CA10: variants seen among roughly 807,000 people sequenced by gnomAD.
The protein encoded by CA10 is carbonic anhydrase 10 (inactive).
In CA10, 14 loss-of-function variants were observed where a neutral mutation model predicts 44.2. The observed-to-expected ratio is 0.32, with a 90% CI of 0.21 to 0.50. The LOEUF is 0.50. Ranked by LOEUF, CA10 falls within the 20% of genes least tolerant of loss-of-function variation. The pLI is 0.99. For missense variants in CA10, 350 were observed against 409.7 expected (o/e 0.85, Z 1.26); for synonymous variants, 159 against 141.6 (o/e 1.12, Z -0.87).
chr17:52,096,351 T>C (rs1000917037), intron 1 of CA10, among the ~76,000 whole-genome samples: 1 of 152,072 alleles, frequency 6.6e-6, no homozygotes, highest in African/African-American at 2.4e-5. Context: ...CCTGTGAGAG[T>C]GTCTTAAAAG....
intron 2 of CA10, among the ~76,000 whole-genome samples, chr17:52,038,348 T>C (rs1168584932): frequency 1.3e-5 from 2 of 152,178 alleles, no homozygotes; most frequent in Non-Finnish European, 2.9e-5. Context: ...ATCGTTCCCA[T>C]TTCAAGAATG....
intron 2 of CA10, among the ~76,000 whole-genome samples, chr17:51,935,691 A>G (rs1484568063): frequency 6.6e-6 from 1 of 152,140 alleles, no homozygotes; most frequent in Non-Finnish European, 1.5e-5. Context: ...GTTTTGAAAG[A>G]TGCTCAGTGA....
chr17:51,911,557 G>C (rs567521793), intron 3 of CA10, among the ~76,000 whole-genome samples: 1 of 152,232 alleles, frequency 6.6e-6, no homozygotes, highest in East Asian at 1.9e-4. Context: ...ACACTGAGTT[G>C]AGACTGCTGG....
At chr17:52,065,175 A>G (rs1391434035) in intron 2 of CA10, among the ~76,000 whole-genome samples, 2 of 152,194 alleles carry the variant, frequency 1.3e-5, no homozygotes, top group Admixed American at 6.5e-5. Flanking sequence ...ATGACTCTGC[A>G]CTAGCAACGT....
intron 2 of CA10, chr17:52,070,417 T>C (rs906306902): frequency 6.6e-6 from 1 of 152,164 alleles, no homozygotes; most frequent in Non-Finnish European, 1.5e-5. Context: ...ACCTCCATTA[T>C]GCAATTTAAT....
intron 2 of CA10, among the ~76,000 whole-genome samples, chr17:51,984,274 A>C (rs900581023): frequency 6.6e-6 from 1 of 151,890 alleles, no homozygotes; most frequent in African/African-American, 2.4e-5. Flanking sequence ...TCAAAAACGA[A>C]AGCAAGATGG....
chr17:51,785,112 C>CT (rs1170751220), intron 3 of CA10, among the ~76,000 whole-genome samples: 3 of 152,110 alleles, frequency 2.0e-5, no homozygotes, highest in Admixed American at 6.5e-5. Context: ...TGATCTCATT[C>CT]TTTTTTTATG....
At chr17:51,904,467 C>T (rs1471869595) in intron 3 of CA10, among the ~76,000 whole-genome samples, 2 of 152,046 alleles carry the variant, frequency 1.3e-5, no homozygotes, top group Non-Finnish European at 2.9e-5. Context: ...CACTGCAGCG[C>T]AAGAAGAGTC....
At chr17:51,787,841 C>T (rs55824919) in intron 3 of CA10, among the ~76,000 whole-genome samples, 4,193 of 152,182 alleles carry the variant, frequency 0.028, 79 homozygotes, top group Non-Finnish European at 0.043. Flanking sequence ...TGATTTTATT[C>T]GGATTTTCTT....
intron 2 of CA10, among the ~76,000 whole-genome samples, chr17:51,936,107 G>A (rs990034014): frequency 5.3e-5 from 8 of 152,148 alleles, no homozygotes; most frequent in African/African-American, 1.9e-4. Context: ...CAATTCAAAA[G>A]CATTTACTGA....
Position 52,072,438 on chromosome 17 carries a change from G to A in CA10, c.62-45C>T, listed in dbSNP as rs753463676. 1.1e-5 allele frequency: 16 copies of A among 1,400,132 alleles called. No individual in the cohort carries two copies. In the African/African-American group the frequency reaches 1.3e-4, roughly 11 times the overall value. The allele number at this position is 1,400,132 out of a possible 1,614,324, so 86.7% of individuals were successfully genotyped here. A position where few individuals can be genotyped will look rare whatever the true frequency, so the allele number is the denominator to read the frequency against. On this transcript the variant is annotated intron_variant, in intron 1 of 8. Transcript: ENST00000451037. The stretch of plus-strand genomic sequence containing the variant: ...GAGAGATTAAGATGATAGCAGAGAA[G>A]CACTGTGTCCCGGCTGTCCGAGTAA...
intron 3 of CA10, among the ~76,000 whole-genome samples, chr17:51,757,952 A>G (rs904474390): frequency 6.6e-6 from 1 of 152,142 alleles, no homozygotes; most frequent in Admixed American, 6.5e-5. Flanking sequence ...AGAGTGGCTT[A>G]GATGTAGGTA....
chr17:51,746,626 CTT>C (rs1426607102), intron 4 of CA10, among the ~76,000 whole-genome samples: 1 of 152,220 alleles, frequency 6.6e-6, no homozygotes, highest in African/African-American at 2.4e-5. Flanking sequence ...ATGTAGCACT[CTT>C]TGAGCTCCTC....
chr17:51,941,464 C>A (rs78126299), intron 2 of CA10, among the ~76,000 whole-genome samples: 5,908 of 152,176 alleles, frequency 0.039, 132 homozygotes, highest in East Asian at 0.056. Context: ...ATTACAGGTG[C>A]TTCAGATAAA....
intron 4 of CA10, among the ~76,000 whole-genome samples, chr17:51,667,770 A>C (rs1429870262): frequency 6.6e-6 from 1 of 152,136 alleles, no homozygotes; most frequent in Admixed American, 6.5e-5. Context: ...GGAGAGCCAA[A>C]TTACTCTCAC....
chr17:52,067,466 T>C (rs1177503700), intron 2 of CA10, among the ~76,000 whole-genome samples: 1 of 152,198 alleles, frequency 6.6e-6, no homozygotes, highest in African/African-American at 2.4e-5. Flanking sequence ...GGAGCCCTCA[T>C]GGAGAAACTC....
intron 3 of CA10, among the ~76,000 whole-genome samples, chr17:51,830,606 G>GCCC (rs1908201764): frequency 6.6e-6 from 1 of 152,164 alleles, no homozygotes; most frequent in Non-Finnish European, 1.5e-5. Flanking sequence ...CCCTGAGCTT[G>GCCC]CAGGGTCAGG....
At chr17:51,961,580 G>C (rs961575997) in intron 2 of CA10, among the ~76,000 whole-genome samples, 1 of 152,144 alleles carries the variant, frequency 6.6e-6, no homozygotes, top group Non-Finnish European at 1.5e-5. Context: ...TGACCAAAGA[G>C]AGAAGTAGCA....
intron 4 of CA10, among the ~76,000 whole-genome samples, chr17:51,661,025 G>A (rs1433193623): frequency 6.6e-6 from 1 of 152,078 alleles, no homozygotes; most frequent in Non-Finnish European, 1.5e-5. Flanking sequence ...GTCACCTGTT[G>A]AGGGAGATCC....
Sources: gnomAD v4.1 joint callset for allele counts (sites outside exome capture counted in the v4.1 genomes callset) on GRCh38, gnomAD v4.1.1 for gene constraint, MANE v1.5 for transcripts, NCBI Gene and HGNC (gene_info 2026-07-23, HGNC 2026-07-21) for gene names.